The following WDR7 variants were observed in gnomAD, a reference collection of about 807,000 sequenced individuals.
The protein encoded by WDR7 is WD repeat domain 7, also known as WD repeat-containing protein 7.
WDR7 carries 46 observed loss-of-function variants against 169.4 expected under a neutral mutation model. The ratio of observed to expected loss-of-function variants is 0.27; its 90% CI spans 0.21 to 0.35. WDR7 has a LOEUF of 0.35. Ranked by LOEUF, WDR7 falls within the 10% of genes least tolerant of loss-of-function variation. WDR7 has a pLI of 1.00. For missense variants in WDR7, 1,534 were observed against 1,859.3 expected (o/e 0.83, Z 3.22); for synonymous variants, 612 against 666.8 (o/e 0.92, Z 1.27).
downstream of WDR7, chr18:57,034,511 C>T (rs2048456746): frequency 6.6e-6 from 1 of 152,194 alleles, no homozygotes; most frequent in African/African-American, 2.4e-5. Context: ...CTGAGCCACC[C>T]ATTGAACCAT....
chr18:56,759,379 G>C (rs2043947757), intron 16 of WDR7, among the ~76,000 whole-genome samples: 1 of 152,030 alleles, frequency 6.6e-6, no homozygotes, highest in African/African-American at 2.4e-5. Context: ...TCCTTGTTAA[G>C]CTATTCTTTT....
At chr18:56,947,305 C>T (rs886643680) in intron 25 of WDR7, among the ~76,000 whole-genome samples, 2 of 152,176 alleles carry the variant, frequency 1.3e-5, no homozygotes, top group African/African-American at 2.4e-5. Context: ...TCTGTTGGTT[C>T]TTTCCCAGCT....
At chr18:56,758,749 G>A in intron 15 of WDR7, 116 bp from the exon 16 acceptor site, 1 of 689,490 alleles carries the variant, frequency 1.5e-6, no homozygotes, top group Non-Finnish European at 2.1e-6. Context: ...AATTGAAAAT[G>A]TTCTATATAT....
chr18:56,671,298 T>G (rs931494759), intron 1 of WDR7, among the ~76,000 whole-genome samples: 15 of 151,218 alleles, frequency 9.9e-5, no homozygotes, highest in Admixed American at 2.0e-4. Context: ...AGTGTTTTTT[T>G]TTTTTTTTTT....
chr18:56,829,374 TGA>T (rs1305837022), intron 20 of WDR7, among the ~76,000 whole-genome samples: 3 of 151,974 alleles, frequency 2.0e-5, no homozygotes, highest in East Asian at 3.9e-4. Context: ...AAGGGAAATC[TGA>T]GAGAGAAGCA....
chr18:56,811,033 A>G (rs1169873986), intron 19 of WDR7, among the ~76,000 whole-genome samples: 1 of 152,206 alleles, frequency 6.6e-6, no homozygotes, highest in Non-Finnish European at 1.5e-5. Context: ...TGTAAATGGA[A>G]TCATAAGGCA....
intron 18 of WDR7, among the ~76,000 whole-genome samples, chr18:56,780,722 C>T (rs2044307178): frequency 6.6e-6 from 1 of 152,152 alleles, no homozygotes; most frequent in African/African-American, 2.4e-5. Context: ...ATTACTGGAG[C>T]CCGGGAGGTG....
intron 21 of WDR7, among the ~76,000 whole-genome samples, chr18:56,882,060 C>G (rs923897760): frequency 6.6e-6 from 1 of 152,192 alleles, no homozygotes; most frequent in Non-Finnish European, 1.5e-5. Context: ...GCACATTACT[C>G]TCCCTCTACG....
At chr18:56,883,580 C>T (rs187773655) in intron 21 of WDR7, among the ~76,000 whole-genome samples, 7 of 150,326 alleles carry the variant, frequency 4.7e-5, no homozygotes, top group South Asian at 2.1e-4. Flanking sequence ...GTCCTTTAGT[C>T]GTGATTTCTG....
chr18:56,948,995 C>T (rs1224289699), intron 25 of WDR7, among the ~76,000 whole-genome samples: 4 of 152,172 alleles, frequency 2.6e-5, no homozygotes, highest in African/African-American at 9.7e-5. Context: ...CCTTCCTTCT[C>T]TCTGCATCTT....
chr18:56,936,724 G>T (rs146150011), intron 23 of WDR7, among the ~76,000 whole-genome samples: 1 of 152,228 alleles, frequency 6.6e-6, no homozygotes, highest in East Asian at 1.9e-4. Context: ...CATGCATTTC[G>T]CTGGGAGGGG....
intron 19 of WDR7, among the ~76,000 whole-genome samples, chr18:56,807,203 A>G (rs2044789178): frequency 6.6e-6 from 1 of 152,104 alleles, no homozygotes; most frequent in East Asian, 1.9e-4. Context: ...TCTTATCTAA[A>G]AGAACATACT....
intron 19 of WDR7, among the ~76,000 whole-genome samples, chr18:56,794,947 C>T (rs1451442427): frequency 6.6e-6 from 1 of 152,052 alleles, no homozygotes; most frequent in Non-Finnish European, 1.5e-5. Flanking sequence ...ATTAGAGTAG[C>T]AGATCCCAGT....
intron 23 of WDR7, among the ~76,000 whole-genome samples, chr18:56,938,319 A>G (rs2046986264): frequency 6.6e-6 from 1 of 152,220 alleles, no homozygotes; most frequent in Non-Finnish European, 1.5e-5. Flanking sequence ...TTAACGTCTC[A>G]TATAATGTTC....
intron 12 of WDR7, among the ~76,000 whole-genome samples, chr18:56,697,667 A>G (rs1288741397): frequency 6.6e-6 from 1 of 152,190 alleles, no homozygotes; most frequent in Non-Finnish European, 1.5e-5. Flanking sequence ...TTCATTTTAT[A>G]GTAGTTATGT....
At chr18:57,026,904 T>C (rs534069456) in intron 27 of WDR7, 100 bp from the exon 28 acceptor site, 2 of 1,235,570 alleles carry the variant, frequency 1.6e-6, no homozygotes, top group Non-Finnish European at 2.3e-6. Flanking sequence ...AGAATAACCA[T>C]GATGGAGGGG....
intron 21 of WDR7, among the ~76,000 whole-genome samples, chr18:56,887,497 A>C (rs1365122640): frequency 6.6e-6 from 1 of 152,228 alleles, no homozygotes; most frequent in East Asian, 1.9e-4. Context: ...CAGGCAAGGA[A>C]TAGTGTATCA....
At chr18:56,759,521 A>G (rs1312588124) in intron 16 of WDR7, among the ~76,000 whole-genome samples, 2 of 152,190 alleles carry the variant, frequency 1.3e-5, no homozygotes, top group African/African-American at 2.4e-5. Context: ...ATTCCTGAGT[A>G]TAATTAATTA....
intron 19 of WDR7, among the ~76,000 whole-genome samples, chr18:56,801,981 A>G (rs372662941): frequency 7.9e-5 from 12 of 152,310 alleles, no homozygotes; most frequent in African/African-American, 2.9e-4. Context: ...TCACTTGAGC[A>G]ACTACCTAGG....
Sources: allele counts gnomAD v4.1 joint callset (sites outside exome capture counted in the v4.1 genomes callset), GRCh38; gene constraint gnomAD v4.1.1; transcripts MANE v1.5; gene names NCBI Gene and HGNC (gene_info 2026-07-23, HGNC 2026-07-21).